The following GPC6 variants were observed in gnomAD, a reference collection of about 807,000 sequenced individuals.
GPC6 encodes the protein glypican 6.
In GPC6, 14 loss-of-function variants were observed where a neutral mutation model predicts 55.2. The observed-to-expected ratio is 0.25, with a 90% confidence interval of 0.17 to 0.40. The LOEUF (loss-of-function observed/expected upper bound fraction) is 0.40, where lower values mean the gene tolerates loss of function less well. Ranked by LOEUF, GPC6 falls within the 10% of genes least tolerant of loss-of-function variation. The pLI is 1.00. For synonymous variants in GPC6, 278 were observed against 259.6 expected (o/e 1.07, Z -0.68); for missense variants, 641 against 708.5 (o/e 0.90, Z 1.08).
intron 1 of GPC6, among the ~76,000 whole-genome samples, chr13:93,237,831 C>T (rs1876290805): frequency 6.6e-6 from 1 of 151,974 alleles, no homozygotes; most frequent in Admixed American, 6.6e-5. Flanking sequence ...GTGTACTTTC[C>T]CCAGTGTATG....
At chr13:94,204,171 C>A (rs1020668143) in intron 4 of GPC6, among the ~76,000 whole-genome samples, 2 of 151,670 alleles carry the variant, frequency 1.3e-5, no homozygotes, top group Non-Finnish European at 2.9e-5. Flanking sequence ...CAAAAAGCAA[C>A]TTCAAATCCT....
intron 6 of GPC6, among the ~76,000 whole-genome samples, chr13:94,340,306 G>GT (rs1234719623): frequency 6.6e-6 from 1 of 151,706 alleles, no homozygotes; most frequent in East Asian, 1.9e-4. Context: ...TGTTACCTAT[G>GT]TAACTCCTCT....
intron 8 of GPC6, 50 bp from the exon 9 acceptor site, chr13:94,402,965 G>A (rs1388292546): frequency 1.3e-5 from 17 of 1,322,056 alleles, no homozygotes; most frequent in Non-Finnish European, 1.8e-5. Flanking sequence ...GGGCCACAAA[G>A]CCTAAACATA....
chr13:94,064,459 G>A (rs1445465138), intron 4 of GPC6, among the ~76,000 whole-genome samples: 2 of 152,124 alleles, frequency 1.3e-5, no homozygotes, highest in Admixed American at 6.6e-5. Flanking sequence ...GGCCCAGGAA[G>A]TGTTTTAATT....
At chr13:93,990,675 A>AG (rs1881257596) in intron 3 of GPC6, among the ~76,000 whole-genome samples, 2 of 151,112 alleles carry the variant, frequency 1.3e-5, no homozygotes, top group East Asian at 3.9e-4. Context: ...TGGGCAACAT[A>AG]GCAAGACCCA....
intron 4 of GPC6, among the ~76,000 whole-genome samples, chr13:94,272,159 C>G (rs546314172): frequency 6.6e-6 from 1 of 152,140 alleles, no homozygotes; most frequent in South Asian, 2.1e-4. Flanking sequence ...CTGAATTGCT[C>G]ACTAATCACA....
intron 1 of GPC6, among the ~76,000 whole-genome samples, chr13:93,372,713 C>A (rs1212228416): frequency 6.6e-6 from 1 of 152,102 alleles, no homozygotes; most frequent in Admixed American, 6.5e-5. Flanking sequence ...GCAATATTTT[C>A]TATACAATTA....
At chr13:93,270,532 C>T (rs993842399) in intron 1 of GPC6, among the ~76,000 whole-genome samples, 60 of 151,858 alleles carry the variant, frequency 4.0e-4, no homozygotes, top group African/African-American at 1.4e-3. Context: ...ATGTTTTCTC[C>T]TCTTCTCTGT....
intron 1 of GPC6, among the ~76,000 whole-genome samples, chr13:93,518,396 A>C (rs1439039098): frequency 6.6e-6 from 1 of 151,676 alleles, no homozygotes. Flanking sequence ...CCACTTTTCC[A>C]ATCTGTTAGT....
intron 4 of GPC6, among the ~76,000 whole-genome samples, chr13:94,062,593 TCCTAATATCGTA>T (rs1366582402): frequency 6.6e-6 from 1 of 152,198 alleles, no homozygotes; most frequent in Non-Finnish European, 1.5e-5. Flanking sequence ...TCCGTTTTCA[TCCTAATATCGTA>T]CCATTGTTTA....
chr13:93,347,938 C>T (rs1034683782), intron 1 of GPC6, among the ~76,000 whole-genome samples: 1 of 152,146 alleles, frequency 6.6e-6, no homozygotes, highest in African/African-American at 2.4e-5. Flanking sequence ...GGCAAAGCTT[C>T]AGGTTCTGTT....
intron 6 of GPC6, among the ~76,000 whole-genome samples, chr13:94,321,383 A>G (rs1186306761): frequency 6.6e-6 from 1 of 152,206 alleles, no homozygotes; most frequent in Non-Finnish European, 1.5e-5. Flanking sequence ...ACATACATGT[A>G]CATGTGTCTT....
At chr13:93,736,425 T>C (rs1445094658) in intron 2 of GPC6, among the ~76,000 whole-genome samples, 1 of 152,198 alleles carries the variant, frequency 6.6e-6, no homozygotes, top group Admixed American at 6.5e-5. Context: ...TAATTTTCAG[T>C]TCAAGAGAAT....
chr13:94,239,205 C>T (rs1469016827), intron 4 of GPC6, among the ~76,000 whole-genome samples: 1 of 152,030 alleles, frequency 6.6e-6, no homozygotes, highest in Non-Finnish European at 1.5e-5. Flanking sequence ...TTAATTGTCT[C>T]CAGCTGATGA....
chr13:93,330,811 A>G (rs977664458), intron 1 of GPC6, among the ~76,000 whole-genome samples: 3 of 152,154 alleles, frequency 2.0e-5, no homozygotes, highest in African/African-American at 7.2e-5. Flanking sequence ...ATATAGATAT[A>G]ATCTTTTATT....
chr13:93,664,262 A>G (rs1187353471), intron 2 of GPC6, among the ~76,000 whole-genome samples: 2 of 152,218 alleles, frequency 1.3e-5, no homozygotes, highest in Non-Finnish European at 2.9e-5. Context: ...TTATTCAGCC[A>G]TGTAAACTGC....
intron 4 of GPC6, among the ~76,000 whole-genome samples, chr13:94,151,857 A>G (rs80172934): frequency 0.047 from 7,182 of 152,282 alleles, 478 homozygotes; most frequent in African/African-American, 0.15. Flanking sequence ...AGTAAGTAAC[A>G]TAAAGTCTAG....
chr13:93,638,406 A>G (rs1462787099), intron 2 of GPC6, among the ~76,000 whole-genome samples: 1 of 152,130 alleles, frequency 6.6e-6, no homozygotes, highest in South Asian at 2.1e-4. Flanking sequence ...ATGTTGACCA[A>G]AGCAAAAATT....
chr13:93,428,861 T>C (rs1312292310), intron 1 of GPC6, among the ~76,000 whole-genome samples: 1 of 152,154 alleles, frequency 6.6e-6, no homozygotes, highest in Non-Finnish European at 1.5e-5. Flanking sequence ...ACAAAAACTA[T>C]TCACCCATTT....
Sources: gnomAD v4.1 joint callset for allele counts (sites outside exome capture counted in the v4.1 genomes callset) on GRCh38, gnomAD v4.1.1 for gene constraint, MANE v1.5 for transcripts, NCBI Gene and HGNC (gene_info 2026-07-23, HGNC 2026-07-21) for gene names.